The following THRA variants were observed in gnomAD, a reference collection of about 807,000 sequenced individuals.
THRA encodes EAR-7.
In THRA, 13 loss-of-function variants were observed where a neutral mutation model predicts 45.0. The ratio of observed to expected loss-of-function variants is 0.29; its 90% confidence interval spans 0.19 to 0.46. THRA has a LOEUF of 0.46. Ranked by LOEUF, THRA falls within the 20% of genes least tolerant of loss-of-function variation. The pLI, the probability that THRA is intolerant of heterozygous loss-of-function variation, is 1.00. For missense variants in THRA, 278 were observed against 556.1 expected, an observed-to-expected ratio of 0.50 and a Z score of 5.03; for synonymous variants, 195 against 214.0, an observed-to-expected ratio of 0.91 and a Z score of 0.78.
chr17:40,089,555 C>T lies in THRA; in HGVS notation c.*99C>T. On this transcript the variant is annotated 3_prime_UTR_variant, in exon 9 of 9. Coordinates refer to ENST00000450525, the MANE Select transcript of THRA (RefSeq NM_199334.5). This position sits in a 1 kb window ranked among gnomAD's most constrained non-coding sequence, Gnocchi z 6.1. The stretch of plus-strand genomic sequence containing the variant: ...AGGGAGACCCCCCCACACCCCTTCT[C>T]TCCTTCCTCTCGTCCTTGGATAGAT... 1.3e-6 allele frequency: 2 copies of T among 1,493,356 alleles called. No homozygotes were observed. The highest frequency in any genetic ancestry group is 1.8e-6 in the Non-Finnish European group (2 of 1,124,850). The allele number at this position is 1,493,356 out of a possible 1,614,324, so 92.5% of individuals were successfully genotyped here.
chr17:40,065,853 G>A (rs529004139), intron 1 of THRA, among the ~76,000 whole-genome samples: 7 of 152,342 alleles, frequency 4.6e-5, no homozygotes, highest in East Asian at 1.9e-4. Context: ...GCACCCTCAG[G>A]GTGCAGGCTG....
chr17:40,083,270 T>C (rs1211794858), intron 4 of THRA, among the ~76,000 whole-genome samples: 1 of 150,864 alleles, frequency 6.6e-6, no homozygotes, highest in Non-Finnish European at 1.5e-5. Context: ...GGTTTCACCA[T>C]GTTGGCCAGG....
At chr17:40,072,950 A>G (rs1260204068) in intron 1 of THRA, among the ~76,000 whole-genome samples, 1 of 152,170 alleles carries the variant, frequency 6.6e-6, no homozygotes, top group Non-Finnish European at 1.5e-5. Flanking sequence ...TGGGGTGGGT[A>G]TCAGAGGTAG....
At chr17:40,065,890 C>G (rs1482043437) in intron 1 of THRA, among the ~76,000 whole-genome samples, 1 of 152,224 alleles carries the variant, frequency 6.6e-6, no homozygotes, top group Admixed American at 6.5e-5. Context: ...CTTAAACAAG[C>G]CATGAAGAGG....
Position 40,092,353 on chromosome 17 carries a change from G to C in THRA, c.*2897G>C, listed in dbSNP as rs1204871827. 2 of 147,442 alleles carry C rather than the reference G, an allele frequency of 1.4e-5. No homozygotes were observed. Among genetic ancestry groups the C allele is most frequent in the African/African-American group, 2.5e-5 (1 of 40,244 alleles). 9.1% of individuals were successfully genotyped at this position (147,442 alleles called of 1,614,324 possible). On this transcript the variant is annotated 3_prime_UTR_variant, in exon 9 of 9. Transcript: ENST00000450525. ...GGGGACACTGCCCAGAGGCGCTACT[G>C]AATGTATGAGAAGCTGGTGCTGGGC... is the stretch of plus-strand genomic sequence containing the variant.
chr17:40,077,427 AGGG>A, intron 3 of THRA, 78 bp from the exon 4 acceptor site: 2 of 1,308,712 alleles, frequency 1.5e-6, no homozygotes, highest in Non-Finnish European at 2.2e-6. Context: ...CAAAAAGTTG[AGGG>A]ATGGGGAAAA....
chr17:40,075,021 T>C (rs1029462262), intron 2 of THRA, among the ~76,000 whole-genome samples: 21 of 152,246 alleles, frequency 1.4e-4, no homozygotes, highest in African/African-American at 4.6e-4. Flanking sequence ...TCGGAATCTA[T>C]TGGGAGCCCC....
chr17:40,084,251 C>T (rs143341945), intron 5 of THRA, among the ~76,000 whole-genome samples: 8 of 152,296 alleles, frequency 5.3e-5, no homozygotes, highest in Non-Finnish European at 1.2e-4. Flanking sequence ...CTCCTGGGCA[C>T]CCACTCTAGC....
At chr17:40,093,454 G>C, downstream of THRA, 1 of 1,510,434 alleles carries the variant, frequency 6.6e-7, no homozygotes, top group South Asian at 1.3e-5. The surrounding 1 kb of genome is among the most constrained non-coding windows in gnomAD (Gnocchi z 5.9). Context: ...CCCAAGAGCA[G>C]GAGGTGCCTG....
chr17:40,069,771 C>T (rs1167838309), intron 1 of THRA, among the ~76,000 whole-genome samples: 1 of 152,008 alleles, frequency 6.6e-6, no homozygotes, highest in Admixed American at 6.6e-5. Flanking sequence ...GCATGACCAC[C>T]CACCAGTGGT....
chr17:40,080,829 T>C (rs370992931), intron 4 of THRA, among the ~76,000 whole-genome samples: 4 of 151,638 alleles, frequency 2.6e-5, no homozygotes, highest in South Asian at 4.2e-4. Flanking sequence ...TTCAAGCACT[T>C]GTCCTGCCTC....
At chr17:40,084,249 C>T (rs1206614240) in intron 5 of THRA, among the ~76,000 whole-genome samples, 1 of 152,166 alleles carries the variant, frequency 6.6e-6, no homozygotes, top group African/African-American at 2.4e-5. Flanking sequence ...AGCTCCTGGG[C>T]ACCCACTCTA....
intron 1 of THRA, among the ~76,000 whole-genome samples, chr17:40,066,681 A>AG (rs1986583285): frequency 1.3e-5 from 1 of 74,808 alleles, no homozygotes; most frequent in Non-Finnish European, 2.5e-5. Context: ...AAAAAAAAAA[A>AG]AAAGAAAAAC....
In THRA at chr17:40,086,794, A is replaced by G. The variant is rs764472548; in HGVS notation, c.664A>G (p.Ile222Val). The change falls in exon 7 of 9, where the codon ATC becomes GTC. Residue 222 changes from isoleucine (I) to valine (V), a missense_variant. Ile to Val is a conservative substitution (Grantham distance 29). Transcript: ENST00000450525. ...AGCCTTCAGCGAGTTTACCAAGATC[A>G]TCACCCCGGCCATCACCCGTGTGGT... ...LEAFSEFTKI[I>V]TPAITRVVDF... The G allele has an allele frequency of 5.0e-6, 8 of 1,614,036 alleles. 1 individual carries two copies. The South Asian group carries it at 8.8e-5, about 18-fold the overall frequency.
chr17:40,084,573 G>A lies in THRA; in HGVS notation c.371-37G>A, dbSNP rs77004022. 3.0e-4 allele frequency: 480 copies of A among 1,604,914 alleles called. 2 individuals carry two copies. In the African/African-American group the frequency reaches 5.9e-3, roughly 20 times the overall value. The stretch of plus-strand genomic sequence containing the variant: ...GAGCATTATGGAAAGGGGATGGAGG[G>A]TGCCATGCGTTAGACCTTGTGCCTC... On this transcript the variant is annotated intron_variant, in intron 5 of 8. Transcript: ENST00000450525.
intron 7 of THRA, 113 bp downstream of exon 7, chr17:40,086,966 G>C: frequency 7.0e-7 from 1 of 1,422,518 alleles, no homozygotes. Flanking sequence ...AATTCCTGTA[G>C]GTCAACATAC....
rs1471030467 is a variant in THRA at position 40,092,070 on chromosome 17, G to A, written c.*2614G>A. On this transcript the variant is annotated 3_prime_UTR_variant, in exon 9 of 9. Transcript: ENST00000450525. ...ACGAGGGGGCCAGGCCAGGACAAGG[G>A]GTTGCCAGAGCCATGACCACTACCC... The A allele has an allele frequency of 6.6e-6, 1 of 152,506 alleles. No individual in the cohort carries two copies. The highest frequency in any genetic ancestry group is 1.9e-4 in the East Asian group (1 of 5,208). 9.4% of individuals were successfully genotyped at this position (152,506 alleles called of 1,614,324 possible).
intron 2 of THRA, 146 bp downstream of exon 2, chr17:40,074,687 A>G: frequency 1.2e-6 from 1 of 821,548 alleles, no homozygotes; most frequent in South Asian, 1.6e-5. Context: ...TGTCTGGCAG[A>G]TGAAGTCATG....
At chr17:40,093,008 C>T (rs1987642058), downstream of THRA, 4 of 1,600,476 alleles carry the variant, frequency 2.5e-6, no homozygotes, top group Non-Finnish European at 3.4e-6. This position sits in a 1 kb window ranked among gnomAD's most constrained non-coding sequence, Gnocchi z 5.9. Context: ...TTTTCCTTTT[C>T]GTCTCGTAAA....
Sources: gnomAD v4.1 joint callset for allele counts (sites outside exome capture counted in the v4.1 genomes callset) on GRCh38, gnomAD v4.1.1 for gene constraint, Gnocchi (gnomAD v3.1) non-coding constraint, MANE v1.5 for transcripts, NCBI Gene and HGNC (gene_info 2026-07-23, HGNC 2026-07-21) for gene names.